POU2F1: variants seen among roughly 807,000 people sequenced by gnomAD.
POU2F1 encodes the protein POU class 2 homeobox 1, also known as POU domain, class 2, transcription factor 1.
In POU2F1, 16 loss-of-function variants were observed where a neutral mutation model predicts 84.9. The ratio of observed to expected loss-of-function variants is 0.19; its 90% CI spans 0.13 to 0.29. The LOEUF (loss-of-function observed/expected upper bound fraction) is 0.29, where lower values mean the gene tolerates loss of function less well. Ranked by LOEUF, POU2F1 falls within the 10% of genes least tolerant of loss-of-function variation. The pLI is 1.00. For synonymous variants in POU2F1, 368 were observed against 368.3 expected, an observed-to-expected ratio of 1.00 and a Z score of 0.01; for missense variants, 738 against 942.6, an observed-to-expected ratio of 0.78 and a Z score of 2.84.
chr1:167,321,981 G>A (rs1656343007), intron 1 of POU2F1, among the ~76,000 whole-genome samples: 1 of 152,158 alleles, frequency 6.6e-6, no homozygotes, highest in African/African-American at 2.4e-5. Flanking sequence ...CCTTCACAAT[G>A]CAAAATATAA....
intron 1 of POU2F1, among the ~76,000 whole-genome samples, chr1:167,273,922 T>C (rs1257099400): frequency 1.3e-5 from 2 of 152,256 alleles, no homozygotes; most frequent in Non-Finnish European, 2.9e-5. Context: ...AAATGTGTTT[T>C]ATTTTCTTCC....
intron 2 of POU2F1, among the ~76,000 whole-genome samples, chr1:167,342,318 A>G (rs1162938601): frequency 6.6e-6 from 1 of 152,202 alleles, no homozygotes; most frequent in African/African-American, 2.4e-5. Context: ...GTAACCTAAT[A>G]TACATAAATA....
intron 1 of POU2F1, among the ~76,000 whole-genome samples, chr1:167,247,219 G>A (rs1224192658): frequency 1.3e-5 from 2 of 152,004 alleles, no homozygotes; most frequent in Non-Finnish European, 2.9e-5. Flanking sequence ...GAGACCATAG[G>A]CGTGTGCCAC....
intron 1 of POU2F1, among the ~76,000 whole-genome samples, chr1:167,243,687 G>A (rs926951138): frequency 6.6e-6 from 1 of 152,070 alleles, no homozygotes; most frequent in Non-Finnish European, 1.5e-5. Flanking sequence ...TGTTGGCTAG[G>A]CTGGTCTCGA....
intron 8 of POU2F1, among the ~76,000 whole-genome samples, chr1:167,386,205 G>C (rs1197753580): frequency 6.6e-6 from 1 of 152,086 alleles, no homozygotes; most frequent in Non-Finnish European, 1.5e-5. Flanking sequence ...TTGGGGGGGT[G>C]AGGGGGAGGC....
At chr1:167,312,294 G>A (rs1655553165) in intron 1 of POU2F1, among the ~76,000 whole-genome samples, 1 of 151,478 alleles carries the variant, frequency 6.6e-6, no homozygotes, top group Admixed American at 6.6e-5. Context: ...GAGTACAGTG[G>A]CACGATCTCA....
chr1:167,402,174 A>G (rs1411147363), intron 13 of POU2F1, among the ~76,000 whole-genome samples: 1 of 152,192 alleles, frequency 6.6e-6, no homozygotes, highest in African/African-American at 2.4e-5. Flanking sequence ...TTCCAGATAA[A>G]TTTAAAATCA....
chr1:167,296,962 A>G (rs1161691428), intron 1 of POU2F1, among the ~76,000 whole-genome samples: 4 of 149,652 alleles, frequency 2.7e-5, no homozygotes, highest in Admixed American at 2.6e-4. Flanking sequence ...GATTTTTTTA[A>G]AATTATAGGC....
chr1:167,250,267 G>A (rs1387223085), intron 1 of POU2F1, among the ~76,000 whole-genome samples: 1 of 152,146 alleles, frequency 6.6e-6, no homozygotes, highest in South Asian at 2.1e-4. Flanking sequence ...AATTGTTTAG[G>A]TTGTTAGAAT....
chr1:167,295,919 T>C (rs1017445537), intron 1 of POU2F1, among the ~76,000 whole-genome samples: 1 of 152,206 alleles, frequency 6.6e-6, no homozygotes, highest in Non-Finnish European at 1.5e-5. Context: ...AGATGTGTTA[T>C]GGAGCTGCTG....
chr1:167,415,273 G>C (rs1157106339), intron 15 of POU2F1, among the ~76,000 whole-genome samples: 1 of 152,114 alleles, frequency 6.6e-6, no homozygotes, highest in Non-Finnish European at 1.5e-5. Flanking sequence ...ACCCCTGCTT[G>C]TGCCCATTAA....
intron 15 of POU2F1, chr1:167,414,207 C>A: frequency 1.9e-6 from 1 of 534,070 alleles, no homozygotes; most frequent in Non-Finnish European, 2.4e-6. Context: ...AATTGGTTAG[C>A]TCTAAAGCTT....
chr1:167,414,561 A>G, intron 15 of POU2F1: 1 of 985,474 alleles, frequency 1.0e-6, no homozygotes, highest in Non-Finnish European at 1.2e-6. Context: ...ATGTTGCCAG[A>G]CAACAGGTTG....
chr1:167,233,649 G>T (rs918130293), intron 1 of POU2F1, among the ~76,000 whole-genome samples: 4 of 152,204 alleles, frequency 2.6e-5, no homozygotes, highest in African/African-American at 7.2e-5. Flanking sequence ...ATCGTTAAGT[G>T]ATGCATAACT....
chr1:167,404,889 C>T lies in POU2F1; in HGVS notation c.1555+3333C>T, dbSNP rs147819957. On this transcript the variant is annotated intron_variant, in intron 13 of 15. Transcript: ENST00000367866. Reference sequence around the variant, plus strand: ...ATCTCAAAACCTCTGATACCTGTCACCAGAGCTCTTTTTCCCTTTTGTATC... The same window carrying T: ...ATCTCAAAACCTCTGATACCTGTCATCAGAGCTCTTTTTCCCTTTTGTATC... 2.0e-5 allele frequency among the ~76,000 whole-genome samples: 3 copies of T among 152,308 alleles called. No homozygotes were observed. The East Asian group carries it at 5.8e-4, about 29-fold the overall frequency.
At position 167,416,087 on chromosome 1, in the gene POU2F1, T is replaced by TAAAAAACAAAAAAA; in HGVS notation, c.*283_*284insCAAAAAAAAAAAAA. ...ATTGGAGAACTTTCTAACCAAAAATTAAAAAAAAAAAAAAAAAAAGAAACA... is the reference window on the plus strand; with the variant it reads ...ATTGGAGAACTTTCTAACCAAAAATTAAAAAACAAAAAAAAAAAAAAAAAAAAAAAAAAGAAACA... On this transcript the variant is annotated 3_prime_UTR_variant, in exon 16 of 16. Coordinates refer to ENST00000367866, the MANE Select transcript of POU2F1 (RefSeq NM_002697.4). The TAAAAAACAAAAAAA allele has an allele frequency of 2.8e-6, 1 of 351,044 alleles. No homozygotes were observed. Among genetic ancestry groups the TAAAAAACAAAAAAA allele is most frequent in the South Asian group, 2.1e-5 (1 of 47,078 alleles). The allele number at this position is 351,044 out of a possible 1,614,324, so 21.7% of individuals were successfully genotyped here. A position where few individuals can be genotyped will look rare whatever the true frequency, so the allele number is the denominator to read the frequency against.
chr1:167,378,069 A>G (rs1253707060), intron 7 of POU2F1, among the ~76,000 whole-genome samples: 3 of 152,250 alleles, frequency 2.0e-5, no homozygotes, highest in Non-Finnish European at 4.4e-5. Context: ...TATATACCCA[A>G]TAATGGGATT....
rs183130209 is a variant in POU2F1 at position 167,254,365 on chromosome 1, C to A, written c.61+33407C>A. Among the ~76,000 whole-genome samples, 31 of 152,302 alleles carry A rather than the reference C, an allele frequency of 2.0e-4. No individual in the cohort carries two copies. In the East Asian group the frequency reaches 5.6e-3, roughly 27 times the overall value. ...TTAGCATCCTGAGGCTAGCCACTTG[C>A]CTCTTGTTCACCTTACTAGTACAAC... On this transcript the variant is annotated intron_variant, in intron 1 of 15. Transcript: ENST00000367866.
intron 13 of POU2F1, among the ~76,000 whole-genome samples, chr1:167,407,930 T>A (rs1310272822): frequency 2.0e-5 from 3 of 152,210 alleles, no homozygotes; most frequent in Non-Finnish European, 2.9e-5. Context: ...AAGTAAAATC[T>A]TTTGTGCTTC....
Sources: gnomAD v4.1 joint callset for allele counts (sites outside exome capture counted in the v4.1 genomes callset) on GRCh38, gnomAD v4.1.1 for gene constraint, MANE v1.5 for transcripts, NCBI Gene and HGNC (gene_info 2026-07-23, HGNC 2026-07-21) for gene names.